SHLD1: variants seen among roughly 807,000 people sequenced by gnomAD.
The protein encoded by SHLD1 is shieldin complex subunit 1.
Under a neutral mutation model 5.5 loss-of-function variants are expected in SHLD1, and 3 were observed. The ratio of observed to expected loss-of-function variants is 0.54; its 90% confidence interval spans 0.25 to 1.40. The LOEUF is 1.40. Ranked by LOEUF, SHLD1 falls within the 40% of genes most tolerant of loss-of-function variation. The probability of loss-of-function intolerance (pLI) is 0.15; values close to 1 mark genes in which losing one functional copy is unlikely to be tolerated. For missense variants in SHLD1, 210 were observed against 244.4 expected (o/e 0.86, Z 0.94); for synonymous variants, 92 against 94.3 (o/e 0.98, Z 0.14).
At chr20:5,817,394 T>TTCTC (rs144955343) in intron 2 of SHLD1, among the ~76,000 whole-genome samples, 3,072 of 75,400 alleles carry the variant, frequency 0.041, 88 homozygotes, top group Middle Eastern at 0.088. Flanking sequence ...ACGGGATATT[T>TTCTC]TCTCTCTCTC....
chr20:5,816,197 A>G (rs1028575581), intron 2 of SHLD1, among the ~76,000 whole-genome samples: 1 of 152,154 alleles, frequency 6.6e-6, no homozygotes, highest in African/African-American at 2.4e-5. Context: ...TATTATTTTA[A>G]AATTTCAACT....
rs1985158649 is a variant in SHLD1, at chr20:5,771,617, AC to A, written c.-4-1244del. ...TATGTACTGTGGCCATAACTCCATA[AC>A]TTTTTTTTTTTTTTGAGACAGAGTC... On this transcript the variant is annotated intron_variant, in intron 1 of 2. Coordinates refer to ENST00000303142, the MANE Select transcript of SHLD1 (RefSeq NM_152504.4). 3.4e-5 allele frequency among the ~76,000 whole-genome samples: 5 copies of A among 148,494 alleles called. No individual in the cohort carries two copies. The South Asian group carries it at 1.1e-3, about 31-fold the overall frequency.
chr20:5,756,937 G>C (rs1984147201), intron 1 of SHLD1: 1 of 158,168 alleles, frequency 6.3e-6, no homozygotes, highest in African/African-American at 2.4e-5. Flanking sequence ...AAGGCTTCTA[G>C]TACAATATTG....
chr20:5,802,016 G>A (rs1390708836), intron 2 of SHLD1, among the ~76,000 whole-genome samples: 1 of 152,102 alleles, frequency 6.6e-6, no homozygotes, highest in Non-Finnish European at 1.5e-5. Flanking sequence ...CAGGAAAAAT[G>A]CATACACTGT....
intron 2 of SHLD1, among the ~76,000 whole-genome samples, chr20:5,812,849 CCTCT>C (rs2087478078): frequency 6.6e-6 from 1 of 151,976 alleles, no homozygotes; most frequent in South Asian, 2.1e-4. Context: ...AAAGGCTCTC[CCTCT>C]CTTTAAGGGG....
chr20:5,775,423 T>C (rs1985377794), intron 2 of SHLD1, among the ~76,000 whole-genome samples: 1 of 152,192 alleles, frequency 6.6e-6, no homozygotes, highest in Non-Finnish European at 1.5e-5. Flanking sequence ...CAGTGTGGAC[T>C]CAGTTTTTAC....
intron 2 of SHLD1, among the ~76,000 whole-genome samples, chr20:5,828,021 A>G (rs763760335): frequency 6.6e-6 from 1 of 152,236 alleles, no homozygotes; most frequent in East Asian, 1.9e-4. Flanking sequence ...GATACGATGA[A>G]TATCATTTAC....
At chr20:5,776,346 C>T (rs972312272) in intron 2 of SHLD1, among the ~76,000 whole-genome samples, 1 of 152,116 alleles carries the variant, frequency 6.6e-6, no homozygotes, top group East Asian at 1.9e-4. Flanking sequence ...TGGTGCTGTC[C>T]CTGTTCTTGA....
At chr20:5,859,461 C>T (rs1450380252) in intron 2 of SHLD1, among the ~76,000 whole-genome samples, 1 of 152,180 alleles carries the variant, frequency 6.6e-6, no homozygotes, top group African/African-American at 2.4e-5. Flanking sequence ...CCTTTGACAG[C>T]TCTACAAGGT....
intron 2 of SHLD1, among the ~76,000 whole-genome samples, chr20:5,830,128 G>A (rs1478228605): frequency 4.6e-5 from 7 of 152,144 alleles, no homozygotes; most frequent in Admixed American, 4.6e-4. Flanking sequence ...TCCCAGGTAA[G>A]TACCTAAGAG....
intron 1 of SHLD1, among the ~76,000 whole-genome samples, chr20:5,763,309 AAAAG>A (rs1236735929): frequency 1.3e-5 from 2 of 151,624 alleles, no homozygotes; most frequent in East Asian, 1.9e-4. Flanking sequence ...AAAAAAAAAA[AAAAG>A]AACTGTGCCT....
chr20:5,809,854 C>G (rs2087434164), intron 2 of SHLD1, among the ~76,000 whole-genome samples: 1 of 152,092 alleles, frequency 6.6e-6, no homozygotes, highest in Non-Finnish European at 1.5e-5. Context: ...AGCCCGATAG[C>G]GCTGAGGGTA....
intron 2 of SHLD1, among the ~76,000 whole-genome samples, chr20:5,830,409 G>A (rs2087714222): frequency 6.6e-6 from 1 of 152,160 alleles, no homozygotes; most frequent in Non-Finnish European, 1.5e-5. Flanking sequence ...GCCAGATGCG[G>A]TGGCTCACGC....
intron 2 of SHLD1, among the ~76,000 whole-genome samples, chr20:5,844,387 A>G (rs1179940196): frequency 6.6e-6 from 1 of 152,166 alleles, no homozygotes; most frequent in Non-Finnish European, 1.5e-5. Context: ...TGCCACCATC[A>G]GGCTCTCTGG....
chr20:5,858,098 CAA>C lies in SHLD1; in HGVS notation c.179-4909_179-4908del, dbSNP rs11300827. Among the ~76,000 whole-genome samples the C allele has an allele frequency of 5.6e-3, 625 of 111,432 alleles. 5 individuals carry two copies. Among genetic ancestry groups the C allele is most frequent in the Middle Eastern group, 0.014 (3 of 214 alleles). The allele number at this position is 111,432 out of a possible 152,430, so 73.1% of individuals were successfully genotyped here. A position where few individuals can be genotyped will look rare whatever the true frequency, so the allele number is the denominator to read the frequency against. ...TGGGCGACAGAGTGAGACTCCATCT[CAA>C]AAAAAAAAAAAAAAAAGTCTTAGAT... On this transcript the variant is annotated intron_variant, in intron 2 of 2. Transcript: ENST00000303142.
chr20:5,773,475 A>C (rs867400234), intron 2 of SHLD1: 31 of 294,386 alleles, frequency 1.1e-4, no homozygotes, highest in African/African-American at 6.7e-4. Flanking sequence ...CTGTGGATTT[A>C]AGTAACAACC....
intron 2 of SHLD1, among the ~76,000 whole-genome samples, chr20:5,805,211 G>T (rs2087355453): frequency 6.6e-6 from 1 of 152,196 alleles, no homozygotes; most frequent in Non-Finnish European, 1.5e-5. Context: ...AGGCTGGAGT[G>T]CAGTGGCGCG....
At chr20:5,755,794 A>G (rs956743070) in intron 1 of SHLD1, among the ~76,000 whole-genome samples, 2 of 152,108 alleles carry the variant, frequency 1.3e-5, no homozygotes, top group African/African-American at 4.8e-5. Flanking sequence ...CTCAACCTCA[A>G]GTGATCCGCC....
At chr20:5,843,861 C>T (rs981279615) in intron 2 of SHLD1, among the ~76,000 whole-genome samples, 3 of 152,192 alleles carry the variant, frequency 2.0e-5, no homozygotes, top group African/African-American at 7.2e-5. Flanking sequence ...TCCATGTATT[C>T]CTCACTTCTA....
Sources: gnomAD v4.1 joint callset for allele counts (sites outside exome capture counted in the v4.1 genomes callset) on GRCh38, gnomAD v4.1.1 for gene constraint, MANE v1.5 for transcripts, NCBI Gene and HGNC (gene_info 2026-07-23, HGNC 2026-07-21) for gene names.